Variants in LONRF1 observed in about 807,000 individuals in gnomAD.
LONRF1 encodes LON peptidase N-terminal domain and ring finger 1, also known as LON peptidase N-terminal domain and RING finger protein 1.
Under a neutral mutation model 85.8 loss-of-function variants are expected in LONRF1, and 37 were observed. That is an observed-to-expected ratio of 0.43 (90% CI 0.33 to 0.57). The LOEUF (loss-of-function observed/expected upper bound fraction) is 0.57, where lower values mean the gene tolerates loss of function less well. Among genes scored for constraint, LONRF1 ranks in the 20% least tolerant of loss-of-function variants. The pLI is 0.04. For missense variants in LONRF1, 1,036 were observed against 978.0 expected (o/e 1.06, Z -0.79); for synonymous variants, 517 against 390.1 (o/e 1.33, Z -3.83).
intron 7 of LONRF1, among the ~76,000 whole-genome samples, chr8:12,734,649 G>C (rs913357778): frequency 2.0e-5 from 3 of 152,074 alleles, no homozygotes; most frequent in African/African-American, 4.8e-5. Flanking sequence ...TACAAGAAGG[G>C]GAATAGGAAG....
In LONRF1 at chr8:12,737,457, T is replaced by C. The variant is rs150482281; in HGVS notation, c.1114-317A>G. 2.3e-3 allele frequency: 1,063 copies of C among 464,078 alleles called. 8 individuals carry two copies. Among genetic ancestry groups the C allele is most frequent in the African/African-American group, 0.02 (985 of 50,438 alleles). 28.7% of individuals were successfully genotyped at this position (464,078 alleles called of 1,614,324 possible). ...CAATACAGTATAACAACTATTTACA[T>C]AGTATTTACATTGTATTAGGTATTA... On this transcript the variant is annotated intron_variant, in intron 4 of 11. Coordinates refer to ENST00000398246, the MANE Select transcript of LONRF1 (RefSeq NM_152271.5).
chr8:12,729,171 T>C lies in LONRF1; in HGVS notation c.1847+3A>G. On this transcript the variant is annotated splice_donor_region_variant and intron_variant, in intron 9 of 11. Transcript: ENST00000398246. ...CAAATATTTAGGTTCACAAAAAGCA[T>C]ACCTATTTTGTGTATCACTGACACA... The C allele has an allele frequency of 6.2e-7, 1 of 1,613,804 alleles. No individual in the cohort carries two copies. Among genetic ancestry groups the C allele is most frequent in the Non-Finnish European group, 8.5e-7 (1 of 1,179,800 alleles).
chr8:12,743,174 T>A lies in LONRF1; in HGVS notation c.830A>T (p.Asp277Val). Residue 277 changes from aspartate to valine, a missense_variant, in exon 2 of 12, where the codon GAT becomes GTT. Physicochemically the swap from Asp to Val is radical, Grantham distance 152. This residue lies in a region of LONRF1 where 742 missense variants were observed against 614.4 expected (regional missense o/e 1.21). Transcript: ENST00000398246. ...DLNAVLFQLPDWPEVYFRKGK... is the reference protein window; with the variant it reads ...DLNAVLFQLPVWPEVYFRKGK... ...AAACAGTAATTTTACCTCAGGCCAA[T>A]CTGGAAGTTGAAAAAGAACTGCATT... 6.2e-7 allele frequency: 1 copy of A among 1,605,986 alleles called. No individual in the cohort carries two copies. The highest frequency in any genetic ancestry group is 1.7e-5 in the Admixed American group (1 of 59,874).
chr8:12,735,624 G>A lies in LONRF1; in HGVS notation c.1452-224C>T, dbSNP rs554306940. The A allele has an allele frequency of 4.2e-4, 209 of 498,160 alleles. 2 individuals carry two copies. Among genetic ancestry groups the A allele is most frequent in the African/African-American group, 3.6e-3 (187 of 51,954 alleles). 30.9% of individuals were successfully genotyped at this position (498,160 alleles called of 1,614,324 possible). ...TCCTGCCAAAGGCCTAGAGCCAAGG[G>A]CCTAGAGCTGTCCTGACTAACGCAA... On this transcript the variant is annotated intron_variant, in intron 6 of 11. Coordinates refer to ENST00000398246, the MANE Select transcript of LONRF1 (RefSeq NM_152271.5).
chr8:12,736,116 C>G (rs372550542), intron 6 of LONRF1, among the ~76,000 whole-genome samples: 1 of 152,114 alleles, frequency 6.6e-6, no homozygotes, highest in Non-Finnish European at 1.5e-5. Flanking sequence ...AGGAATGTAA[C>G]TGCTACCAGC....
At chr8:12,724,162 A>T (rs1806055807) in intron 11 of LONRF1, among the ~76,000 whole-genome samples, 6 of 152,186 alleles carry the variant, frequency 3.9e-5, no homozygotes, top group Admixed American at 3.3e-4. Context: ...CAGACATTAC[A>T]AACTGTCTTC....
intron 1 of LONRF1, among the ~76,000 whole-genome samples, chr8:12,752,490 G>T (rs1250444130): frequency 1.3e-5 from 2 of 152,086 alleles, no homozygotes; most frequent in African/African-American, 4.8e-5. Flanking sequence ...ATTCTTGAAA[G>T]AACTAAAAAT....
At chr8:12,737,526 A>G (rs1453800382) in intron 4 of LONRF1, among the ~76,000 whole-genome samples, 1 of 152,148 alleles carries the variant, frequency 6.6e-6, no homozygotes, top group Non-Finnish European at 1.5e-5. Flanking sequence ...GGATGTGCAT[A>G]AGTTATATGC....
chr8:12,723,882 T>C (rs534447098), intron 11 of LONRF1, among the ~76,000 whole-genome samples: 13 of 152,180 alleles, frequency 8.5e-5, no homozygotes, highest in Non-Finnish European at 1.8e-4. Flanking sequence ...AAAAGAAACA[T>C]ATCTCCAGTG....
At chr8:12,743,846 G>C (rs1300869482) in intron 1 of LONRF1, among the ~76,000 whole-genome samples, 1 of 65,318 alleles carries the variant, frequency 1.5e-5, no homozygotes, top group Non-Finnish European at 3.4e-5. Context: ...CCTGCCATTA[G>C]CAAAAACAGT....
Position 12,728,951 on chromosome 8 carries a change from T to C in LONRF1, c.1960A>G (p.Met654Val), listed in dbSNP as rs1482384079. The C allele has an allele frequency of 1.4e-5, 23 of 1,614,022 alleles. No homozygotes were observed. Among genetic ancestry groups the C allele is most frequent in the East Asian group, 4.5e-5 (2 of 44,886 alleles). Residue 654 changes from methionine (M) to valine (V), a missense_variant, in exon 10 of 12, where the codon ATG (methionine) becomes GTG (valine). Coordinates refer to ENST00000398246, the MANE Select transcript of LONRF1 (RefSeq NM_152271.5). ...GKRFRVLKRG[M>V]KDGYCTADIE... ...TCGGCAGTGCAATATCCATCTTTCA[T>C]TCCTCTTTTTAAAACCCTAAACCGC...
At chr8:12,737,400 T>C (rs1798761551) in intron 4 of LONRF1, 2 of 629,248 alleles carry the variant, frequency 3.2e-6, no homozygotes, top group Admixed American at 4.4e-5. Context: ...CCTGAACATA[T>C]ATCGACTTTT....
chr8:12,732,105 G>C (rs921649946), intron 7 of LONRF1, among the ~76,000 whole-genome samples: 1 of 152,212 alleles, frequency 6.6e-6, no homozygotes, highest in Admixed American at 6.5e-5. Context: ...GCTTCCTGCT[G>C]TGACCACAGC....
At chr8:12,735,536 A>T (rs13272425) in intron 6 of LONRF1, 136 bp from the exon 7 acceptor site, 2 of 620,562 alleles carry the variant, frequency 3.2e-6, no homozygotes, top group South Asian at 1.9e-5. Context: ...GAGGAGAGAA[A>T]GGGCAGTGAT....
intron 1 of LONRF1, chr8:12,754,337 G>T (rs1272334871): frequency 1.1e-5 from 2 of 177,444 alleles, no homozygotes; most frequent in South Asian, 2.0e-4. Context: ...GGAAGCGAGC[G>T]GCCGCTCGGG....
Position 12,735,181 on chromosome 8 carries a change from G to A in LONRF1, c.1566+105C>T, listed in dbSNP as rs1041338461. The A allele has an allele frequency of 8.4e-6, 6 of 714,040 alleles. No homozygotes were observed. In the Admixed American group the frequency reaches 1.2e-4, roughly 15 times the overall value. The allele number at this position is 714,040 out of a possible 1,614,324, so 44.2% of individuals were successfully genotyped here. ...ATCCTTGTTAGTCACTCAGAATATA[G>A]AATGTAATTCTGAACGTGATCATCA... On this transcript the variant is annotated intron_variant, in intron 7 of 11. Coordinates refer to ENST00000398246, the MANE Select transcript of LONRF1 (RefSeq NM_152271.5).
chr8:12,736,750 G>T lies in LONRF1; in HGVS notation c.1402C>A (p.Pro468Thr). The T allele has an allele frequency of 6.2e-7, 1 of 1,612,050 alleles. No individual in the cohort carries two copies. Among genetic ancestry groups the T allele is most frequent in the South Asian group, 1.1e-5 (1 of 90,738 alleles). Residue 468 changes from proline to threonine, a missense_variant, in exon 6 of 12, where the codon CCA (proline) becomes ACA (threonine). This residue lies in a region of LONRF1 where 742 missense variants were observed against 614.4 expected (regional missense o/e 1.21). Coordinates refer to ENST00000398246, the MANE Select transcript of LONRF1 (RefSeq NM_152271.5). Reference protein sequence around the residue: ...CMFSLAYGDIPEELIDVSDFE... With the variant: ...CMFSLAYGDITEELIDVSDFE... The stretch of plus-strand genomic sequence containing the variant: ...TCTGAGACATCGATTAATTCTTCTG[G>T]AATATCACCATAAGCTAAGGAAAAC...
intron 10 of LONRF1, 93 bp downstream of exon 10, chr8:12,728,808 T>G: frequency 7.2e-7 from 1 of 1,394,806 alleles, no homozygotes; most frequent in Non-Finnish European, 1.0e-6. Context: ...TGATAAGAAC[T>G]GGTTCATGCA....
intron 8 of LONRF1, among the ~76,000 whole-genome samples, chr8:12,730,841 G>A (rs111628216): frequency 1.3e-5 from 2 of 152,228 alleles, no homozygotes; most frequent in African/African-American, 4.8e-5. Flanking sequence ...TGATAAAGGA[G>A]TCTACAAGCA....
Sources: gnomAD v4.1 joint callset for allele counts (sites outside exome capture counted in the v4.1 genomes callset) on GRCh38, gnomAD v4.1.1 for gene constraint, gnomAD v4.1.1 regional missense constraint, MANE v1.5 for transcripts, NCBI Gene and HGNC (gene_info 2026-07-23, HGNC 2026-07-21) for gene names.